The following CFAP54 variants were observed in gnomAD, a reference collection of about 807,000 sequenced individuals.
CFAP54 encodes the protein cilia and flagella associated protein 54.
In CFAP54, 290 loss-of-function variants were observed where a neutral mutation model predicts 370.4. The ratio of observed to expected loss-of-function variants is 0.78; its 90% CI spans 0.71 to 0.86. CFAP54 has a LOEUF of 0.86. Ranked by LOEUF, CFAP54 falls within the 40% of genes least tolerant of loss-of-function variation. The pLI is 0.00. For synonymous variants in CFAP54, 1,206 were observed against 1,236.5 expected (o/e 0.98, Z 0.52); for missense variants, 3,399 against 3,528.7 (o/e 0.96, Z 0.93).
intron 19 of CFAP54, chr12:96,572,752 C>A: frequency 1.9e-6 from 1 of 515,484 alleles, no homozygotes; most frequent in Non-Finnish European, 2.5e-6. Flanking sequence ...TACAGATGTT[C>A]AAGCTCCACT....
At chr12:96,591,753 T>A (rs987366202) in intron 23 of CFAP54, among the ~76,000 whole-genome samples, 12 of 150,826 alleles carry the variant, frequency 8.0e-5, no homozygotes, top group African/African-American at 2.7e-4. Context: ...TAGCCGGGCA[T>A]GGTGGCGCGT....
intron 46 of CFAP54, among the ~76,000 whole-genome samples, chr12:96,700,948 C>T (rs1291584070): frequency 6.6e-6 from 1 of 152,080 alleles, no homozygotes; most frequent in Non-Finnish European, 1.5e-5. Flanking sequence ...TCTTGAAAAC[C>T]ACTAGCATAA....
chr12:96,807,741 A>C (rs1160285238), intron 63 of CFAP54, among the ~76,000 whole-genome samples: 1 of 152,162 alleles, frequency 6.6e-6, no homozygotes, highest in Non-Finnish European at 1.5e-5. Context: ...ATCGAATGGG[A>C]AGTCATCTTG....
chr12:96,519,800 T>A (rs1955282936), intron 6 of CFAP54, among the ~76,000 whole-genome samples: 1 of 152,226 alleles, frequency 6.6e-6, no homozygotes, highest in Non-Finnish European at 1.5e-5. Flanking sequence ...TAAAATCTAT[T>A]TACTAGTAAT....
At chr12:96,811,594 G>T (rs1958928702) in intron 63 of CFAP54, 142 bp from the exon 64 acceptor site, 2 of 495,096 alleles carry the variant, frequency 4.0e-6, no homozygotes, top group South Asian at 3.3e-5. Flanking sequence ...TCTCTTTCAG[G>T]TGAATTGAAA....
intron 26 of CFAP54, among the ~76,000 whole-genome samples, chr12:96,619,745 A>C (rs1956464019): frequency 6.6e-6 from 1 of 152,242 alleles, no homozygotes. Flanking sequence ...AAGCAAAATT[A>C]AGTAGAGTGG....
chr12:96,612,708 A>G (rs1956372590), intron 26 of CFAP54, among the ~76,000 whole-genome samples: 1 of 152,248 alleles, frequency 6.6e-6, no homozygotes, highest in Non-Finnish European at 1.5e-5. Flanking sequence ...TACTAAGCAC[A>G]TGGAAAACAT....
chr12:96,534,106 T>A lies in CFAP54; in HGVS notation c.1584T>A (p.Thr528=). The A allele has an allele frequency of 6.5e-7, 1 of 1,533,670 alleles. No homozygotes were observed. ...PESKKAEKDL[T]LLIAMEPLIN... is the part of the protein sequence containing the mutation. ...CAAAGAAAGCAGAGAAGGATTTAAC[T>A]CTTCTGATTGCAATGGAACCACTAA... is the stretch of plus-strand genomic sequence containing the variant. The change falls in exon 11 of 68, where the codon ACT becomes ACA. Residue 528 remains threonine, a synonymous_variant. Coordinates refer to ENST00000524981, the MANE Select transcript of CFAP54 (RefSeq NM_001306084.2).
intron 32 of CFAP54, among the ~76,000 whole-genome samples, chr12:96,641,477 G>A (rs1366758044): frequency 6.6e-6 from 1 of 151,900 alleles, no homozygotes; most frequent in South Asian, 2.1e-4. Context: ...TATGCTGTTG[G>A]TGGGACTGTA....
chr12:96,731,686 T>C (rs1046733544), intron 50 of CFAP54, among the ~76,000 whole-genome samples: 1 of 152,170 alleles, frequency 6.6e-6, no homozygotes, highest in African/African-American at 2.4e-5. Flanking sequence ...AACATGACTT[T>C]TAAAAATATT....
chr12:96,651,244 C>T (rs1046981069), intron 35 of CFAP54, among the ~76,000 whole-genome samples: 4 of 152,118 alleles, frequency 2.6e-5, no homozygotes, highest in African/African-American at 4.8e-5. Flanking sequence ...GTCCGTCTCC[C>T]GAAATGAACG....
intron 55 of CFAP54, among the ~76,000 whole-genome samples, chr12:96,750,990 G>A (rs1259731962): frequency 6.6e-6 from 1 of 152,062 alleles, no homozygotes; most frequent in Non-Finnish European, 1.5e-5. Context: ...TTATAGTATA[G>A]ATTGTGTCAC....
chr12:96,697,122 G>T (rs1957445957), intron 45 of CFAP54, among the ~76,000 whole-genome samples: 1 of 152,194 alleles, frequency 6.6e-6, no homozygotes, highest in African/African-American at 2.4e-5. Flanking sequence ...GTGAGTGAAT[G>T]GTTGATTTAT....
intron 65 of CFAP54, among the ~76,000 whole-genome samples, chr12:96,825,281 T>TTATATATAATATAATATATTA (rs1407757006): frequency 7.9e-5 from 10 of 125,988 alleles, no homozygotes; most frequent in South Asian, 4.5e-4. Context: ...ACATGTTATA[T>TTATATATAATATAATATATTA]TATATATAAT....
chr12:96,875,002 G>T (rs1419509759), intron 67 of CFAP54, 116 bp from the exon 68 acceptor site: 1 of 152,130 alleles, frequency 6.6e-6, no homozygotes, highest in African/African-American at 2.4e-5. Flanking sequence ...GGTCTGTTGA[G>T]GACTAGCGCA....
At chr12:96,663,338 G>T (rs1321567386) in intron 38 of CFAP54, among the ~76,000 whole-genome samples, 1 of 152,056 alleles carries the variant, frequency 6.6e-6, no homozygotes, top group African/African-American at 2.4e-5. Flanking sequence ...AATAATTTTT[G>T]TCTTTTTAAA....
At chr12:96,641,641 C>A (rs962390779) in intron 32 of CFAP54, among the ~76,000 whole-genome samples, 2 of 152,024 alleles carry the variant, frequency 1.3e-5, no homozygotes, top group African/African-American at 4.8e-5. Context: ...ATGTTTATTG[C>A]GGCACTATTC....
At chr12:96,576,471 C>T (rs1413910328) in intron 19 of CFAP54, 114 bp from the exon 20 acceptor site, 1 of 837,210 alleles carries the variant, frequency 1.2e-6, no homozygotes, top group African/African-American at 1.7e-5. Context: ...GCCTCTGAGG[C>T]TTGAAAAACT....
At chr12:96,785,210 G>A (rs1385616447) in intron 61 of CFAP54, among the ~76,000 whole-genome samples, 11 of 152,124 alleles carry the variant, frequency 7.2e-5, no homozygotes, top group Admixed American at 2.0e-4. Flanking sequence ...TTTATGAAAT[G>A]AACAAGATGA....
Sources: gnomAD v4.1 joint callset for allele counts (sites outside exome capture counted in the v4.1 genomes callset) on GRCh38, gnomAD v4.1.1 for gene constraint, MANE v1.5 for transcripts, NCBI Gene and HGNC (gene_info 2026-07-23, HGNC 2026-07-21) for gene names.